Variants in ATXN10 observed in about 807,000 individuals in gnomAD.
ATXN10 encodes the protein ataxin-10.
In ATXN10, 28 loss-of-function variants were observed where a neutral mutation model predicts 52.9. The observed-to-expected ratio is 0.53, with a 90% CI of 0.39 to 0.73. The LOEUF (loss-of-function observed/expected upper bound fraction) is 0.73. Among genes scored for constraint, ATXN10 ranks in the 30% least tolerant of loss-of-function variants. The pLI is 0.00. For synonymous variants in ATXN10, 226 were observed against 221.5 expected (o/e 1.02, Z -0.18); for missense variants, 565 against 577.0 (o/e 0.98, Z 0.21).
rs189276882 is a variant in ATXN10, at chr22:45,734,056, T to C, written c.894+4466T>C. On this transcript the variant is annotated intron_variant, in intron 7 of 11. Transcript: ENST00000252934. ...TTTTTCATTTGTTCCCTATAGACTTTCCAGCTGCTTTCAGGTTGCTTTTTT... is the reference window on the plus strand; with the variant it reads ...TTTTTCATTTGTTCCCTATAGACTTCCCAGCTGCTTTCAGGTTGCTTTTTT... 6.8e-3 allele frequency among the ~76,000 whole-genome samples: 1,030 copies of C among 152,262 alleles called. 5 individuals are homozygous for C. Among genetic ancestry groups the C allele is most frequent in the Middle Eastern group, 0.014 (4 of 294 alleles).
At position 45,795,711 on chromosome 22, in the gene ATXN10, TATA is replaced by T. The variant is rs1927711785; in HGVS notation, c.1174-11245_1174-11243del. Among the ~76,000 whole-genome samples, 1 of 152,214 alleles carries T rather than the reference TATA, an allele frequency of 6.6e-6. No homozygotes were observed. Among genetic ancestry groups the T allele is most frequent in the African/African-American group, 2.4e-5 (1 of 41,468 alleles). ...TATTAGTTCCCCAAATTAATACTTTTATAATGTCTTACACCTGTCTTTACTGCA... is the reference window on the plus strand; with the variant it reads ...TATTAGTTCCCCAAATTAATACTTTTATGTCTTACACCTGTCTTTACTGCA... On this transcript the variant is annotated intron_variant, in intron 9 of 11. Coordinates refer to ENST00000252934, the MANE Select transcript of ATXN10 (RefSeq NM_013236.4). This position sits in a 1 kb window ranked among gnomAD's most constrained non-coding sequence, Gnocchi z 4.6.
chr22:45,726,270 G>A (rs1341913391), intron 6 of ATXN10, among the ~76,000 whole-genome samples: 2 of 152,106 alleles, frequency 1.3e-5, no homozygotes, highest in African/African-American at 4.8e-5. Flanking sequence ...GTGGAATTTG[G>A]CCATGTATCC....
intron 10 of ATXN10, among the ~76,000 whole-genome samples, chr22:45,810,419 T>G (rs564319477): frequency 1.3e-5 from 2 of 152,378 alleles, no homozygotes; most frequent in East Asian, 3.9e-4. Context: ...ATAAAAGTTT[T>G]AGAATCAGTA....
chr22:45,775,039 G>A lies in ATXN10; in HGVS notation c.1174-31920G>A, dbSNP rs552289221. On this transcript the variant is annotated intron_variant, in intron 9 of 11. Transcript: ENST00000252934. The surrounding 1 kb of genome is among the most constrained non-coding windows in gnomAD (Gnocchi z 4.7). ...TCCCCATCCCTTTTTCTGGTAGTTTGTAAAACTTTAGTGTTGTATTACCAG... is the reference window on the plus strand; with the variant it reads ...TCCCCATCCCTTTTTCTGGTAGTTTATAAAACTTTAGTGTTGTATTACCAG... Among the ~76,000 whole-genome samples, 2 of 152,312 alleles carry A rather than the reference G, an allele frequency of 1.3e-5. No homozygotes were observed. Among genetic ancestry groups the A allele is most frequent in the African/African-American group, 4.8e-5 (2 of 41,568 alleles).
rs571396955 is a variant in ATXN10 at position 45,793,539 on chromosome 22, G to A, written c.1174-13420G>A. 23 of 1,250,360 alleles carry A rather than the reference G, an allele frequency of 1.8e-5. No homozygotes were observed. The African/African-American group carries it at 3.1e-4, about 17-fold the overall frequency. 77.5% of individuals were successfully genotyped at this position (1,250,360 alleles called of 1,614,324 possible). ...ACGATTCTCTTTAACAAATAATTCT[G>A]TCAAGCTCTTCAATCTTTCTGTGAC... On this transcript the variant is annotated intron_variant, in intron 9 of 11. Transcript: ENST00000252934.
intron 9 of ATXN10, among the ~76,000 whole-genome samples, chr22:45,760,312 C>T (rs1926337868): frequency 6.6e-6 from 1 of 152,136 alleles, no homozygotes; most frequent in South Asian, 2.1e-4. Flanking sequence ...ATGTCCAGCA[C>T]ATGTGGGGTT....
rs538264460 is a variant in ATXN10, at chr22:45,673,360, C to G, written c.116+1181C>G. The G allele has an allele frequency of 3.9e-5, 6 of 152,360 alleles. No individual in the cohort carries two copies. In the East Asian group the frequency reaches 9.6e-4, roughly 24 times the overall value. 9.4% of individuals were successfully genotyped at this position (152,360 alleles called of 1,614,324 possible). On this transcript the variant is annotated intron_variant, in intron 1 of 11. Transcript: ENST00000252934. ...CTAGGTGATCACTAGAGGACTTCCT[C>G]TCTTTAAACTAGACACCTGGTCTGA...
chr22:45,710,872 C>T (rs981858679), intron 5 of ATXN10, among the ~76,000 whole-genome samples: 3 of 152,230 alleles, frequency 2.0e-5, no homozygotes, highest in African/African-American at 7.2e-5. Context: ...TTGAATAAGT[C>T]TGGTGATTGG....
chr22:45,700,932 C>A (rs1923818600), intron 4 of ATXN10, among the ~76,000 whole-genome samples: 1 of 152,130 alleles, frequency 6.6e-6, no homozygotes, highest in African/African-American at 2.4e-5. Flanking sequence ...GTAACCATTC[C>A]ATTTGTCTCG....
At position 45,780,519 on chromosome 22, in the gene ATXN10, G is replaced by A. The variant is rs1207857215; in HGVS notation, c.1174-26440G>A. 6.7e-6 allele frequency among the ~76,000 whole-genome samples: 1 copy of A among 150,206 alleles called. No individual in the cohort carries two copies. Among genetic ancestry groups the A allele is most frequent in the Non-Finnish European group, 1.5e-5 (1 of 66,652 alleles). ...TCAACCCTGGCCCTGCTGTGGAGTG[G>A]ATGTGAACCTGTGCCAGCCTGTTTC... On this transcript the variant is annotated intron_variant, in intron 9 of 11. Transcript: ENST00000252934. The surrounding 1 kb of genome is among the most constrained non-coding windows in gnomAD (Gnocchi z 4.0).
chr22:45,744,959 C>T lies in ATXN10; in HGVS notation c.1173+4421C>T, dbSNP rs971666331. On this transcript the variant is annotated intron_variant, in intron 9 of 11. Transcript: ENST00000252934. This position sits in a 1 kb window ranked among gnomAD's most constrained non-coding sequence, Gnocchi z 4.9. Reference sequence around the variant, plus strand: ...GGAATTGCTAGACTTCCCTTTACCTCGTCATGGTAGGGAGGTGTCAAATCC... The same window carrying T: ...GGAATTGCTAGACTTCCCTTTACCTTGTCATGGTAGGGAGGTGTCAAATCC... The T allele has an allele frequency of 3.9e-5, 6 of 152,134 alleles. No homozygotes were observed. Among genetic ancestry groups the T allele is most frequent in the East Asian group, 1.9e-4 (1 of 5,194 alleles). 9.4% of individuals were successfully genotyped at this position (152,134 alleles called of 1,614,324 possible).
rs1445451242 is a variant in ATXN10, at chr22:45,840,343, G to A, written c.1238-2648G>A. On this transcript the variant is annotated intron_variant, in intron 10 of 11. Coordinates refer to ENST00000252934, the MANE Select transcript of ATXN10 (RefSeq NM_013236.4). The surrounding 1 kb of genome is among the most constrained non-coding windows in gnomAD (Gnocchi z 5.8). ...GATGAGAACTGTTAAAAAAGAGAGA[G>A]AGAATGCATTGGAAACAGACAGCAG... Among the ~76,000 whole-genome samples the A allele has an allele frequency of 6.7e-6, 1 of 149,156 alleles. No homozygotes were observed. The highest frequency in any genetic ancestry group is 1.5e-5 in the Non-Finnish European group (1 of 68,000).
chr22:45,686,670 T>G (rs565272418), intron 1 of ATXN10, among the ~76,000 whole-genome samples: 28 of 151,992 alleles, frequency 1.8e-4, no homozygotes, highest in Admixed American at 1.8e-3. Context: ...TACAAAAAAA[T>G]TAGCCGGGCG....
At chr22:45,791,906 C>T (rs1381336091) in intron 9 of ATXN10, among the ~76,000 whole-genome samples, 1 of 152,014 alleles carries the variant, frequency 6.6e-6, no homozygotes, top group Non-Finnish European at 1.5e-5. Context: ...GAGCTATTTG[C>T]GTCTTTGTGT....
chr22:45,764,353 G>A (rs1040250418), intron 9 of ATXN10, among the ~76,000 whole-genome samples: 3 of 151,528 alleles, frequency 2.0e-5, no homozygotes, highest in Admixed American at 6.6e-5. Context: ...GTAAGTTTCC[G>A]TGGAAGGGTT....
At position 45,789,102 on chromosome 22, in the gene ATXN10, T is replaced by C. The variant is rs1927419073; in HGVS notation, c.1174-17857T>C. Among the ~76,000 whole-genome samples the C allele has an allele frequency of 6.6e-6, 1 of 152,192 alleles. No homozygotes were observed. Among genetic ancestry groups the C allele is most frequent in the African/African-American group, 2.4e-5 (1 of 41,450 alleles). The stretch of plus-strand genomic sequence containing the variant: ...ATGGAAAGTCACTGCTCTGTATCAG[T>C]GCTTCTTCAGACTGTATCAGCACAT... On this transcript the variant is annotated intron_variant, in intron 9 of 11. Coordinates refer to ENST00000252934, the MANE Select transcript of ATXN10 (RefSeq NM_013236.4). This position sits in a 1 kb window ranked among gnomAD's most constrained non-coding sequence, Gnocchi z 4.0.
intron 7 of ATXN10, among the ~76,000 whole-genome samples, chr22:45,730,323 G>A (rs1168287872): frequency 7.1e-6 from 1 of 141,644 alleles, no homozygotes; most frequent in Non-Finnish European, 1.5e-5. Flanking sequence ...CAGCTCGGGT[G>A]ATGCAGTGAG....
At position 45,708,370 on chromosome 22, in the gene ATXN10, T is replaced by G. The variant is rs1336552901; in HGVS notation, c.647+5523T>G. 1.3e-5 allele frequency among the ~76,000 whole-genome samples: 2 copies of G among 152,298 alleles called. No individual in the cohort carries two copies. Among genetic ancestry groups the G allele is most frequent in the South Asian group, 4.2e-4 (2 of 4,818 alleles). On this transcript the variant is annotated intron_variant, in intron 5 of 11. Coordinates refer to ENST00000252934, the MANE Select transcript of ATXN10 (RefSeq NM_013236.4). This position sits in a 1 kb window ranked among gnomAD's most constrained non-coding sequence, Gnocchi z 5.3. ...ATCCTGTGATGTGTTGGTTGCTTTG[T>G]CTGTGTAATCTCATTTTCACATTGC... is the stretch of plus-strand genomic sequence containing the variant.
intron 9 of ATXN10, among the ~76,000 whole-genome samples, chr22:45,748,791 T>G (rs551864588): frequency 1.3e-5 from 2 of 152,184 alleles, no homozygotes; most frequent in Non-Finnish European, 2.9e-5. Flanking sequence ...TCAAGAAATA[T>G]GTCAAAATTC....
Sources: allele counts gnomAD v4.1 joint callset (sites outside exome capture counted in the v4.1 genomes callset), GRCh38; gene constraint gnomAD v4.1.1; non-coding constraint Gnocchi (gnomAD v3.1); transcripts MANE v1.5; gene names NCBI Gene and HGNC (gene_info 2026-07-23, HGNC 2026-07-21).